SORCS3: variants seen among roughly 807,000 people sequenced by gnomAD.
SORCS3 encodes sortilin related VPS10 domain containing receptor 3, also known as VPS10 domain-containing receptor SorCS3.
In SORCS3, 57 loss-of-function variants were observed where a neutral mutation model predicts 146.3. The observed-to-expected ratio is 0.39, with a 90% CI of 0.31 to 0.49. The LOEUF is 0.49. Ranked by LOEUF, SORCS3 falls within the 20% of genes least tolerant of loss-of-function variation. SORCS3 has a pLI of 0.92. For synonymous variants in SORCS3, 653 were observed against 618.5 expected (o/e 1.06, Z -0.83); for missense variants, 1,341 against 1,575.5 (o/e 0.85, Z 2.52).
chr10:104,917,131 C>G (rs1287701608), intron 3 of SORCS3, among the ~76,000 whole-genome samples: 2 of 152,188 alleles, frequency 1.3e-5, no homozygotes, highest in East Asian at 3.8e-4. Context: ...TAGGGACTCT[C>G]AGGCCCTAGA....
At chr10:105,007,950 T>C (rs1028839335) in intron 4 of SORCS3, among the ~76,000 whole-genome samples, 2 of 151,990 alleles carry the variant, frequency 1.3e-5, no homozygotes, top group African/African-American at 2.4e-5. Flanking sequence ...CTTATCACAA[T>C]AAAGAAGGGA....
intron 5 of SORCS3, among the ~76,000 whole-genome samples, chr10:105,074,925 A>C (rs1443606235): frequency 2.0e-5 from 3 of 152,222 alleles, no homozygotes; most frequent in Non-Finnish European, 2.9e-5. Context: ...TACCACAGTA[A>C]TTGGCAACAT....
intron 5 of SORCS3, among the ~76,000 whole-genome samples, chr10:105,070,716 A>G (rs1589618043): frequency 6.6e-6 from 1 of 152,214 alleles, no homozygotes; most frequent in South Asian, 2.1e-4. Flanking sequence ...AACAAGAACC[A>G]TTTGTTTAGC....
intron 1 of SORCS3, among the ~76,000 whole-genome samples, chr10:104,723,063 G>C (rs1452664965): frequency 2.0e-5 from 3 of 152,098 alleles, no homozygotes; most frequent in Non-Finnish European, 4.4e-5. Context: ...TCTTTTAATG[G>C]TGATGTTAGG....
intron 3 of SORCS3, among the ~76,000 whole-genome samples, chr10:104,975,010 G>T (rs2054886352): frequency 6.6e-6 from 1 of 152,130 alleles, no homozygotes; most frequent in Non-Finnish European, 1.5e-5. Context: ...CTTTAAGAAT[G>T]TCAAATATTG....
chr10:104,987,652 T>C (rs1490873824), intron 4 of SORCS3, among the ~76,000 whole-genome samples: 3 of 152,154 alleles, frequency 2.0e-5, no homozygotes, highest in Admixed American at 6.6e-5. Context: ...TTTTTTCTCC[T>C]AACAAAAAGT....
intron 1 of SORCS3, among the ~76,000 whole-genome samples, chr10:104,703,380 T>TA (rs1394138765): frequency 1.3e-5 from 2 of 152,240 alleles, no homozygotes; most frequent in Non-Finnish European, 2.9e-5. Context: ...CGCCAGCATC[T>TA]ATTGTTTCCT....
At chr10:104,694,179 G>A (rs2016147107) in intron 1 of SORCS3, among the ~76,000 whole-genome samples, 1 of 150,830 alleles carries the variant, frequency 6.6e-6, no homozygotes. Context: ...TCTTCTTGGT[G>A]GGCAGAGGGA....
chr10:105,259,383 C>T (rs1164268800), intron 25 of SORCS3, among the ~76,000 whole-genome samples: 4 of 152,172 alleles, frequency 2.6e-5, no homozygotes, highest in Non-Finnish European at 5.9e-5. Context: ...AGTATTAACA[C>T]ATTAAGACAT....
chr10:104,868,565 C>T (rs1406440396), intron 2 of SORCS3, among the ~76,000 whole-genome samples: 2 of 152,198 alleles, frequency 1.3e-5, no homozygotes, highest in East Asian at 3.8e-4. Flanking sequence ...CCAACTAGTC[C>T]AGTGATAGTT....
Position 105,247,672 on chromosome 10 carries a change from G to A in SORCS3, c.3105+341G>A, listed in dbSNP as rs191009297. Among the ~76,000 whole-genome samples the A allele has an allele frequency of 2.4e-3, 358 of 152,086 alleles. 1 individual carries two copies. Among genetic ancestry groups the A allele is most frequent in the Admixed American group, 4.7e-3 (72 of 15,250 alleles). On this transcript the variant is annotated intron_variant, in intron 22 of 26. Transcript: ENST00000369701. ...CTGAGGCATGAGAATTGCTTGAACC[G>A]GGGAGGTAGATGTTGCAGTGTGCTG...
At chr10:105,098,762 C>T (rs1206286606) in intron 6 of SORCS3, among the ~76,000 whole-genome samples, 4 of 152,204 alleles carry the variant, frequency 2.6e-5, no homozygotes, top group African/African-American at 7.2e-5. Flanking sequence ...CTGTTGTCAT[C>T]GTCATTGTCA....
chr10:104,974,058 A>C (rs1174756895), intron 3 of SORCS3, among the ~76,000 whole-genome samples: 4 of 152,082 alleles, frequency 2.6e-5, no homozygotes, highest in African/African-American at 9.7e-5. Context: ...GTGGTCTGAG[A>C]GACAGTTTGT....
At chr10:104,698,971 G>A (rs1024222879) in intron 1 of SORCS3, among the ~76,000 whole-genome samples, 1 of 152,112 alleles carries the variant, frequency 6.6e-6, no homozygotes, top group Non-Finnish European at 1.5e-5. Context: ...AAAGGAAGAC[G>A]ATTCTATCAC....
chr10:104,750,080 T>G (rs2016966188), intron 1 of SORCS3, among the ~76,000 whole-genome samples: 1 of 152,162 alleles, frequency 6.6e-6, no homozygotes, highest in African/African-American at 2.4e-5. Flanking sequence ...CAGTATCAGT[T>G]AGTGGGTAGT....
At chr10:105,094,415 T>C (rs2055731625) in intron 6 of SORCS3, among the ~76,000 whole-genome samples, 1 of 152,372 alleles carries the variant, frequency 6.6e-6, no homozygotes, top group African/African-American at 2.4e-5. Flanking sequence ...CTAGGAGGCA[T>C]AGTTCCTGAC....
intron 1 of SORCS3, among the ~76,000 whole-genome samples, chr10:104,811,225 T>C (rs1416560340): frequency 2.0e-5 from 3 of 152,204 alleles, no homozygotes; most frequent in African/African-American, 7.2e-5. Flanking sequence ...AATACAAAGA[T>C]GAAAAACCTG....
chr10:104,953,787 C>T (rs1471670898), intron 3 of SORCS3, among the ~76,000 whole-genome samples: 1 of 152,116 alleles, frequency 6.6e-6, no homozygotes, highest in East Asian at 1.9e-4. Flanking sequence ...GTGCTGGATG[C>T]CAGAGATAAA....
chr10:105,008,683 G>A (rs928235795), intron 4 of SORCS3, among the ~76,000 whole-genome samples: 2 of 152,194 alleles, frequency 1.3e-5, no homozygotes, highest in African/African-American at 2.4e-5. Context: ...GTCTCATTCT[G>A]TTGCCCCGGC....
Sources: allele counts gnomAD v4.1 joint callset (sites outside exome capture counted in the v4.1 genomes callset), GRCh38; gene constraint gnomAD v4.1.1; transcripts MANE v1.5; gene names NCBI Gene and HGNC (gene_info 2026-07-23, HGNC 2026-07-21).